Variants in ATP8B2 observed in about 807,000 individuals in gnomAD.
ATP8B2 encodes ATPase phospholipid transporting 8B2, also known as phospholipid-transporting ATPase ID.
Under a neutral mutation model 133.4 loss-of-function variants are expected in ATP8B2, and 70 were observed. The observed-to-expected ratio is 0.52, with a 90% CI of 0.43 to 0.64. The LOEUF is 0.64. Among genes scored for constraint, ATP8B2 ranks in the 30% least tolerant of loss-of-function variants. The pLI, the probability that ATP8B2 is intolerant of heterozygous loss-of-function variation, is 0.00. For synonymous variants in ATP8B2, 517 were observed against 589.5 expected (o/e 0.88, Z 1.78); for missense variants, 1,101 against 1,535.7 (o/e 0.72, Z 4.73).
At position 154,345,498 on chromosome 1, in the gene ATP8B2, A is replaced by ATCTGCATCGC; in HGVS notation, c.2647_2648insTCTGCATCGC (p.Thr883IlefsTer23). 1.9e-6 allele frequency: 3 copies of ATCTGCATCGC among 1,614,186 alleles called. No individual in the cohort carries two copies. The highest frequency in any genetic ancestry group is 2.5e-6 in the Non-Finnish European group (3 of 1,180,046). On this transcript the variant is annotated frameshift_variant, in exon 23 of 28. Transcript: ENST00000368489. LOFTEE classifies it high-confidence loss of function. The surrounding 1 kb of genome is among the most constrained non-coding windows in gnomAD (Gnocchi z 5.6). Reference sequence around the variant, plus strand: ...TTTCTTCTACAAAAACTTTGCTTTCACCATGGTCCACTTCTGGTTTGGCTT... The same window carrying ATCTGCATCGC: ...TTTCTTCTACAAAAACTTTGCTTTCATCTGCATCGCCCATGGTCCACTTCTGGTTTGGCTT...
chr1:154,349,394 A>C lies in ATP8B2; in HGVS notation c.*276A>C. On this transcript the variant is annotated 3_prime_UTR_variant, in exon 28 of 28. Coordinates refer to ENST00000368489, the MANE Select transcript of ATP8B2 (RefSeq NM_001370597.1). ...CTCGGGGACCAGAAGTGGAACCAAA[A>C]ACAAGAAAAAACTGTGAGAGATTGT... The C allele has an allele frequency of 2.1e-6, 1 of 474,100 alleles. No individual in the cohort carries two copies. Among genetic ancestry groups the C allele is most frequent in the Non-Finnish European group, 3.8e-6 (1 of 261,222 alleles). The allele number at this position is 474,100 out of a possible 1,614,324, so 29.4% of individuals were successfully genotyped here.
rs1685962950 is a variant in ATP8B2, at chr1:154,330,819, A to G, written c.95A>G (p.Asn32Ser). ...EYNEKFQYAS[N>S]CIKTSKYNIL... Reference sequence around the variant, plus strand: ...TCTTCTCTCCTACTGCCATAGAGTAACTGCATCAAGACCTCCAAGTACAAT... The same window carrying G: ...TCTTCTCTCCTACTGCCATAGAGTAGCTGCATCAAGACCTCCAAGTACAAT... The change falls in exon 4 of 28, where the codon AAC (asparagine) becomes AGC (serine). Residue 32 changes from asparagine (N) to serine (S), a missense_variant. Coordinates refer to ENST00000368489, the MANE Select transcript of ATP8B2 (RefSeq NM_001370597.1). The G allele has an allele frequency of 6.2e-7, 1 of 1,612,964 alleles. No homozygotes were observed.
Position 154,331,379 on chromosome 1 carries a change from T to C in ATP8B2, c.304-65T>C. ...GCGTTAACCAGCATGCTCTGAGTTC[T>C]ACTGATCAACGAATTCCTTCGAGGC... On this transcript the variant is annotated intron_variant, in intron 5 of 27. Transcript: ENST00000368489. This position sits in a 1 kb window ranked among gnomAD's most constrained non-coding sequence, Gnocchi z 4.8. 1.9e-6 allele frequency: 3 copies of C among 1,547,310 alleles called. No individual in the cohort carries two copies. Among genetic ancestry groups the C allele is most frequent in the South Asian group, 2.2e-5 (2 of 89,382 alleles).
intron 13 of ATP8B2, 93 bp downstream of exon 13, chr1:154,341,155 C>G: frequency 7.4e-7 from 1 of 1,357,096 alleles, no homozygotes; most frequent in Non-Finnish European, 1.0e-6. Context: ...TTGGTTTTTT[C>G]TTCCTTCCTA....
chr1:154,345,226 G>A lies in ATP8B2; in HGVS notation c.2470+72G>A, dbSNP rs1686542676. 7 of 1,600,390 alleles carry A rather than the reference G, an allele frequency of 4.4e-6. No individual in the cohort carries two copies. The Admixed American group carries it at 8.5e-5, about 19-fold the overall frequency. ...AGGGGCCCACTGAGGTCTCTGGACT[G>A]CAGAAGAATGACGGGAAGGGGGTTG... is the stretch of plus-strand genomic sequence containing the variant. On this transcript the variant is annotated intron_variant, in intron 22 of 27. Transcript: ENST00000368489. The surrounding 1 kb of genome is among the most constrained non-coding windows in gnomAD (Gnocchi z 5.6).
At position 154,331,103 on chromosome 1, in the gene ATP8B2, T is replaced by G; in HGVS notation, c.260T>G (p.Leu87Arg). The stretch of plus-strand genomic sequence containing the variant: ...TTCACCACCATTGTGCCTTTGGTTC[T>G]TGTCCTCACCATCACAGCTGTTAAA... ...SWFTTIVPLV[L>R]VLTITAVKDA... Residue 87 changes from leucine (L) to arginine (R), a missense_variant, in exon 5 of 28, where the codon CTT (leucine) becomes CGT (arginine). Transcript: ENST00000368489. The surrounding 1 kb of genome is among the most constrained non-coding windows in gnomAD (Gnocchi z 4.8). 6.2e-7 allele frequency: 1 copy of G among 1,614,200 alleles called. No homozygotes were observed. Among genetic ancestry groups the G allele is most frequent in the Non-Finnish European group, 8.5e-7 (1 of 1,180,024 alleles).
rs114907280 is a variant in ATP8B2 at position 154,329,081 on chromosome 1, G to C, written c.31+909G>C. On this transcript the variant is annotated intron_variant, in intron 2 of 27. Transcript: ENST00000368489. ...GAAGCCCTCTTGGGGGACAGGTAAC[G>C]GGAGGCAGCGCCTGGCAGCTCTCCC... 1,862 of 1,296,262 alleles carry C rather than the reference G, an allele frequency of 1.4e-3. 31 individuals are homozygous for C. In the African/African-American group the frequency reaches 0.026, roughly 18 times the overall value. 80.3% of individuals were successfully genotyped at this position (1,296,262 alleles called of 1,614,324 possible).
At chr1:154,337,225 G>T in intron 11 of ATP8B2, 123 bp from the exon 12 acceptor site, 1 of 1,124,584 alleles carries the variant, frequency 8.9e-7, no homozygotes, top group Non-Finnish European at 1.3e-6. Context: ...ACCATGGGTT[G>T]GACAAGCTTG....
Position 154,344,149 on chromosome 1 carries a change from G to A in ATP8B2, c.1930G>A (p.Gly644Ser). The A allele has an allele frequency of 6.2e-7, 1 of 1,614,216 alleles. No homozygotes were observed. The highest frequency in any genetic ancestry group is 8.5e-7 in the Non-Finnish European group (1 of 1,180,046). The stretch of plus-strand genomic sequence containing the variant: ...ATCCTTGTGGTATTTTCAGCTGCTG[G>A]GTGCAACGGCCATTGAGGACAAACT... The part of the protein sequence containing the change: ...EEVENNMMLL[G>S]ATAIEDKLQQ... The change falls in exon 19 of 28, where the codon GGT becomes AGT. Residue 644 changes from glycine to serine, a missense_variant. Coordinates refer to ENST00000368489, the MANE Select transcript of ATP8B2 (RefSeq NM_001370597.1). This position sits in a 1 kb window ranked among gnomAD's most constrained non-coding sequence, Gnocchi z 4.1.
Position 154,343,452 on chromosome 1 carries a change from G to C in ATP8B2, c.1643-1G>C. 1 of 1,613,932 alleles carries C rather than the reference G, an allele frequency of 6.2e-7. No homozygotes were observed. The highest frequency in any genetic ancestry group is 8.5e-7 in the Non-Finnish European group (1 of 1,179,908). On this transcript the variant is annotated splice_acceptor_variant, in intron 16 of 27. Transcript: ENST00000368489. LOFTEE classifies it high-confidence loss of function. The surrounding 1 kb of genome is among the most constrained non-coding windows in gnomAD (Gnocchi z 5.8). ...ACTTTCTTCACCTGCCCCATTCATA[G>C]TGCGGAATCCAGAGGGGAAGATCCG...
chr1:154,338,669 G>GAAAC (rs1181779891), intron 12 of ATP8B2: 1 of 151,956 alleles, frequency 6.6e-6, no homozygotes, highest in Non-Finnish European at 1.5e-5. Context: ...AAAAAACAAC[G>GAAAC]AAACAAACAA....
chr1:154,347,874 G>C (rs1686637751), intron 26 of ATP8B2, among the ~76,000 whole-genome samples: 1 of 151,482 alleles, frequency 6.6e-6, no homozygotes, highest in Non-Finnish European at 1.5e-5. Context: ...CTGGGAGGTG[G>C]AGGTTGTGGT....
chr1:154,342,843 GTTC>G lies in ATP8B2; in HGVS notation c.1338_1340del (p.Phe446del). Reference sequence around the variant, plus strand: ...CCTTCAATCCTCTGGCTGACAAGAAGTTCTTATTTTGGGACCCCAGCCTGCTGG... The same window carrying G: ...CCTTCAATCCTCTGGCTGACAAGAAGTTATTTTGGGACCCCAGCCTGCTGG... On this transcript the variant is annotated inframe_deletion, in exon 15 of 28. Coordinates refer to ENST00000368489, the MANE Select transcript of ATP8B2 (RefSeq NM_001370597.1). 6.2e-7 allele frequency: 1 copy of G among 1,614,186 alleles called. No individual in the cohort carries two copies.
intron 1 of ATP8B2, 112 bp from the exon 2 acceptor site, chr1:154,327,993 G>A: frequency 1.3e-6 from 2 of 1,502,420 alleles, no homozygotes; most frequent in Non-Finnish European, 1.9e-6. Context: ...GAAGGAGGCT[G>A]GGGGAGGGGC....
At chr1:154,347,746 G>A (rs1490879516) in intron 26 of ATP8B2, among the ~76,000 whole-genome samples, 1 of 152,128 alleles carries the variant, frequency 6.6e-6, no homozygotes, top group Non-Finnish European at 1.5e-5. Flanking sequence ...TTCAAGACCA[G>A]CCTGACCCAC....
In ATP8B2 at chr1:154,334,058, T is replaced by C; in HGVS notation, c.590-49T>C. Reference sequence around the variant, plus strand: ...TCTCTTTGTTTTATTGTCTTGTGGTTAGGCTGTAGACTGGACCTTAAGCAG... The same window carrying C: ...TCTCTTTGTTTTATTGTCTTGTGGTCAGGCTGTAGACTGGACCTTAAGCAG... On this transcript the variant is annotated intron_variant, in intron 9 of 27. Transcript: ENST00000368489. This position sits in a 1 kb window ranked among gnomAD's most constrained non-coding sequence, Gnocchi z 4.6. 6.3e-7 allele frequency: 1 copy of C among 1,597,474 alleles called. No homozygotes were observed. Among genetic ancestry groups the C allele is most frequent in the South Asian group, 1.1e-5 (1 of 89,808 alleles).
chr1:154,328,311 C>A lies in ATP8B2; in HGVS notation c.31+139C>A, dbSNP rs1685860135. ...CAGCAGCCCCTACCCAGCTTGGGGG[C>A]AGCCTAGGAAACCGAATTCTTCCGC... On this transcript the variant is annotated intron_variant, in intron 2 of 27. Transcript: ENST00000368489. The surrounding 1 kb of genome is among the most constrained non-coding windows in gnomAD (Gnocchi z 4.6). The A allele has an allele frequency of 2.1e-6, 2 of 935,870 alleles. No homozygotes were observed. The highest frequency in any genetic ancestry group is 1.6e-5 in the African/African-American group (1 of 61,342). The allele number at this position is 935,870 out of a possible 1,614,324, so 58.0% of individuals were successfully genotyped here.
chr1:154,337,025 T>A (rs1287479389), intron 11 of ATP8B2, among the ~76,000 whole-genome samples: 14 of 152,050 alleles, frequency 9.2e-5, no homozygotes, highest in Admixed American at 9.2e-4. Context: ...CTCAAACTCC[T>A]GACCTCAGGT....
At chr1:154,327,281 G>A (rs1685820669) in intron 1 of ATP8B2, among the ~76,000 whole-genome samples, 1 of 152,202 alleles carries the variant, frequency 6.6e-6, no homozygotes, top group South Asian at 2.1e-4. Context: ...GCCAGGCTGG[G>A]GAGTAAGGAT....
Sources: allele counts gnomAD v4.1 joint callset (sites outside exome capture counted in the v4.1 genomes callset), GRCh38; gene constraint gnomAD v4.1.1; non-coding constraint Gnocchi (gnomAD v3.1); transcripts MANE v1.5; gene names NCBI Gene and HGNC (gene_info 2026-07-23, HGNC 2026-07-21).